GRAMD1B: variants seen among roughly 807,000 people sequenced by gnomAD.
GRAMD1B encodes the protein protein Aster-B.
GRAMD1B carries 37 observed loss-of-function variants against 99.7 expected under a neutral mutation model. That is an observed-to-expected ratio of 0.37 (90% CI 0.29 to 0.49). GRAMD1B has a LOEUF of 0.49. Ranked by LOEUF, GRAMD1B falls within the 20% of genes least tolerant of loss-of-function variation. The pLI, the probability that GRAMD1B is intolerant of heterozygous loss-of-function variation, is 0.98. For synonymous variants in GRAMD1B, 427 were observed against 387.6 expected (o/e 1.10, Z -1.19); for missense variants, 888 against 1,009.2 (o/e 0.88, Z 1.63).
intron 1 of GRAMD1B, among the ~76,000 whole-genome samples, chr11:123,412,726 A>G (rs551796857): frequency 6.6e-6 from 1 of 152,296 alleles, no homozygotes; most frequent in East Asian, 1.9e-4. Flanking sequence ...TCATATTTTA[A>G]GCTAAGAAAC....
chr11:123,605,910 C>T (rs1369202434), intron 10 of GRAMD1B, among the ~76,000 whole-genome samples: 2 of 152,150 alleles, frequency 1.3e-5, no homozygotes, highest in African/African-American at 4.8e-5. Context: ...GCTTATTTCT[C>T]CACTGTGGTA....
At chr11:123,586,796 C>T (rs965419263) in intron 4 of GRAMD1B, among the ~76,000 whole-genome samples, 5 of 152,230 alleles carry the variant, frequency 3.3e-5, no homozygotes, top group African/African-American at 7.2e-5. Flanking sequence ...GCCCTTCAGG[C>T]AGGATCCCTC....
chr11:123,437,930 T>C (rs1414512400), intron 1 of GRAMD1B, among the ~76,000 whole-genome samples: 1 of 152,174 alleles, frequency 6.6e-6, no homozygotes, highest in Non-Finnish European at 1.5e-5. Flanking sequence ...CTCCGCTCTG[T>C]GTGTGCCCTG....
intron 1 of GRAMD1B, among the ~76,000 whole-genome samples, chr11:123,473,000 A>G (rs572479085): frequency 2.0e-5 from 3 of 152,208 alleles, no homozygotes; most frequent in South Asian, 4.1e-4. Context: ...GATTTGGGGG[A>G]TGCTTTTCAT....
intron 1 of GRAMD1B, among the ~76,000 whole-genome samples, chr11:123,441,383 A>G (rs945891285): frequency 6.6e-6 from 1 of 152,250 alleles, no homozygotes; most frequent in Non-Finnish European, 1.5e-5. Context: ...CACGCCTATA[A>G]TCCTAGCACT....
At chr11:123,550,286 G>A (rs1334649935) in intron 2 of GRAMD1B, among the ~76,000 whole-genome samples, 2 of 152,046 alleles carry the variant, frequency 1.3e-5, no homozygotes, top group Admixed American at 1.3e-4. Context: ...GCGTGAGGAT[G>A]GGGGCCAGGA....
At chr11:123,429,535 A>G (rs1565492948), upstream of GRAMD1B, among the ~76,000 whole-genome samples, 1 of 152,022 alleles carries the variant, frequency 6.6e-6, no homozygotes. This position sits in a 1 kb window ranked among gnomAD's most constrained non-coding sequence, Gnocchi z 4.0. Context: ...AAGGGGGGGT[A>G]CCCTCGACTC....
At chr11:123,482,398 C>T (rs1304761553) in intron 2 of GRAMD1B, among the ~76,000 whole-genome samples, 1 of 152,074 alleles carries the variant, frequency 6.6e-6, no homozygotes, top group Non-Finnish European at 1.5e-5. Flanking sequence ...ATGCCTGGCT[C>T]ACTGTGAAGT....
At chr11:123,466,374 A>AAG (rs10623493) in intron 1 of GRAMD1B, among the ~76,000 whole-genome samples, 87,158 of 130,496 alleles carry the variant, frequency 0.67, 27,513 homozygotes, top group African/African-American at 0.82. Flanking sequence ...AGGAAAAAGA[A>AAG]AGAGAGAGAG....
At chr11:123,585,923 C>G (rs145764549) in intron 4 of GRAMD1B, among the ~76,000 whole-genome samples, 1 of 152,262 alleles carries the variant, frequency 6.6e-6, no homozygotes, top group East Asian at 1.9e-4. Flanking sequence ...GCCTGTGCTT[C>G]CTTGGATTCT....
chr11:123,607,792 G>C (rs1490158027), intron 11 of GRAMD1B: 1 of 152,302 alleles, frequency 6.6e-6, no homozygotes, highest in Admixed American at 6.5e-5. Flanking sequence ...TGCAGGTGCA[G>C]TAATTAGGGA....
chr11:123,416,803 T>A (rs753628645), intron 1 of GRAMD1B, among the ~76,000 whole-genome samples: 1 of 152,204 alleles, frequency 6.6e-6, no homozygotes, highest in Non-Finnish European at 1.5e-5. Context: ...TTTTAGCATG[T>A]GCTATGTGCT....
At chr11:123,382,523 C>G (rs1210662426) in intron 1 of GRAMD1B, among the ~76,000 whole-genome samples, 7 of 151,274 alleles carry the variant, frequency 4.6e-5, no homozygotes, top group East Asian at 1.9e-4. Flanking sequence ...AAAACTGCCT[C>G]AGTGTTTCCA....
Position 123,612,809 on chromosome 11 carries a change from A to G in GRAMD1B, c.1968A>G (p.Lys656=). 2 of 1,612,800 alleles carry G rather than the reference A, an allele frequency of 1.2e-6. No homozygotes were observed. Among genetic ancestry groups the G allele is most frequent in the South Asian group, 1.1e-5 (1 of 90,754 alleles). The change falls in exon 15 of 20, where the codon AAA becomes AAG. Residue 656 remains lysine (K), a synonymous_variant. Transcript: ENST00000635736. ...RYRKQPWGLV[K]TFIEKNFWSG... ...GAAAACAGCCCTGGGGGTTAGTGAA[A>G]ACGTTCATCGAGAAGAACTTCTGGA...
intron 8 of GRAMD1B, among the ~76,000 whole-genome samples, chr11:123,601,388 T>TA (rs371394159): frequency 0.26 from 37,073 of 144,502 alleles, 5,180 homozygotes; most frequent in South Asian, 0.42. Flanking sequence ...CTGTTTCAAT[T>TA]AAAAAAAAAA....
chr11:123,598,809 G>T, intron 7 of GRAMD1B: 4 of 1,066,322 alleles, frequency 3.8e-6, no homozygotes, highest in Non-Finnish European at 5.9e-6. Flanking sequence ...CTCAAATTCA[G>T]CCTGAATCTT....
Position 123,583,290 on chromosome 11 carries a change from G to T in GRAMD1B, c.664-1022G>T, listed in dbSNP as rs1949634522. Among the ~76,000 whole-genome samples the T allele has an allele frequency of 2.6e-5, 3 of 115,242 alleles. No homozygotes were observed. In the South Asian group the frequency reaches 7.8e-4, roughly 30 times the overall value. The allele number at this position is 115,242 out of a possible 152,430, so 75.6% of individuals were successfully genotyped here. A position where few individuals can be genotyped will look rare whatever the true frequency, so the allele number is the denominator to read the frequency against. On this transcript the variant is annotated intron_variant, in intron 3 of 19. Transcript: ENST00000635736. ...GCATGTGTGTGTGCATGTGTGTGTG[G>T]TGTGTGTGAATGTGTGTGTGCACGT... is the stretch of plus-strand genomic sequence containing the variant.
At chr11:123,412,641 T>C (rs1948090992) in intron 1 of GRAMD1B, among the ~76,000 whole-genome samples, 1 of 152,178 alleles carries the variant, frequency 6.6e-6, no homozygotes, top group Admixed American at 6.5e-5. Context: ...CCCACATTGC[T>C]TTCCAAAAAT....
At chr11:123,600,413 C>A in intron 7 of GRAMD1B, 55 bp from the exon 8 acceptor site, 1 of 1,144,284 alleles carries the variant, frequency 8.7e-7, no homozygotes, top group South Asian at 1.3e-5. Flanking sequence ...CCATGTCCCT[C>A]TTAATTATAT....
Sources: gnomAD v4.1 joint callset for allele counts (sites outside exome capture counted in the v4.1 genomes callset) on GRCh38, gnomAD v4.1.1 for gene constraint, Gnocchi (gnomAD v3.1) non-coding constraint, MANE v1.5 for transcripts, NCBI Gene and HGNC (gene_info 2026-07-23, HGNC 2026-07-21) for gene names.